SPPL3: variants seen among roughly 807,000 people sequenced by gnomAD.
SPPL3 encodes the protein signal peptide peptidase-like 3.
SPPL3 carries 5 observed loss-of-function variants against 42.4 expected under a neutral mutation model. The ratio of observed to expected loss-of-function variants is 0.12; its 90% CI spans 0.06 to 0.25. The LOEUF (loss-of-function observed/expected upper bound fraction) is 0.25. SPPL3 is among the 10% of genes least tolerant of loss of function. The pLI is 1.00. For synonymous variants in SPPL3, 195 were observed against 181.8 expected (o/e 1.07, Z -0.58); for missense variants, 235 against 489.0 (o/e 0.48, Z 4.90).
chr12:120,789,421 T>G (rs1361917312), intron 3 of SPPL3, among the ~76,000 whole-genome samples: 1 of 122,736 alleles, frequency 8.1e-6, no homozygotes, highest in African/African-American at 3.1e-5. Flanking sequence ...ACCTCTGCAC[T>G]CCAGCCTGGG....
intron 1 of SPPL3, among the ~76,000 whole-genome samples, chr12:120,848,138 C>A (rs555581920): frequency 1.3e-5 from 2 of 152,320 alleles, no homozygotes; most frequent in African/African-American, 4.8e-5. Context: ...AACTCAGCAG[C>A]CGAATCTATT....
chr12:120,850,393 G>C (rs890746627), intron 1 of SPPL3, among the ~76,000 whole-genome samples: 3 of 150,780 alleles, frequency 2.0e-5, no homozygotes, highest in African/African-American at 7.3e-5. Flanking sequence ...AAGTCTAAAA[G>C]GCCAAATGAA....
chr12:120,763,031 T>C lies in SPPL3; in HGVS notation c.*1968A>G, dbSNP rs950592806. 6.6e-6 allele frequency: 1 copy of C among 152,262 alleles called. No homozygotes were observed. Among genetic ancestry groups the C allele is most frequent in the African/African-American group, 2.4e-5 (1 of 41,414 alleles). The allele number at this position is 152,262 out of a possible 1,614,324, so 9.4% of individuals were successfully genotyped here. A position where few individuals can be genotyped will look rare whatever the true frequency, so the allele number is the denominator to read the frequency against. ...GAGTCCGCAAGTGGATTTTTAGTCT[T>C]CACCCAATGCAGAGGCAGTTTTGAG... On this transcript the variant is annotated 3_prime_UTR_variant, in exon 11 of 11. Transcript: ENST00000353487.
intron 1 of SPPL3, among the ~76,000 whole-genome samples, chr12:120,877,034 C>T (rs559494194): frequency 1.3e-5 from 2 of 151,926 alleles, no homozygotes; most frequent in South Asian, 4.2e-4. Context: ...AACATCACAA[C>T]AGACGTTACA....
At chr12:120,830,664 T>G (rs1025215307) in intron 1 of SPPL3, among the ~76,000 whole-genome samples, 1 of 146,942 alleles carries the variant, frequency 6.8e-6, no homozygotes, top group Non-Finnish European at 1.5e-5. Context: ...GTTCTAAGCT[T>G]CCAGTCTGGT....
At chr12:120,804,834 G>A (rs1022580311) in intron 2 of SPPL3, among the ~76,000 whole-genome samples, 2 of 152,014 alleles carry the variant, frequency 1.3e-5, no homozygotes, top group African/African-American at 4.8e-5. Flanking sequence ...AGCCAAAAAA[G>A]GGAAACAACC....
At chr12:120,898,300 T>TG (rs1873872041) in intron 1 of SPPL3, among the ~76,000 whole-genome samples, 3 of 97,616 alleles carry the variant, frequency 3.1e-5, no homozygotes, top group Admixed American at 1.2e-4. Context: ...GACTCTGTTT[T>TG]TTTTTTTTTT....
chr12:120,835,280 A>G (rs1871573155), intron 1 of SPPL3, among the ~76,000 whole-genome samples: 1 of 152,210 alleles, frequency 6.6e-6, no homozygotes, highest in South Asian at 2.1e-4. Context: ...AGAGTGAAAA[A>G]TTCATTTTAT....
intron 1 of SPPL3, among the ~76,000 whole-genome samples, chr12:120,898,138 CTCATGTCTACAAAAAA>C (rs994237823): frequency 1.3e-5 from 2 of 151,426 alleles, no homozygotes; most frequent in African/African-American, 4.9e-5. Flanking sequence ...ATGGCAAAAC[CTCATGTCTACAAAAAA>C]TTAGCTGGGC....
At chr12:120,897,640 G>A (rs1216236154) in intron 1 of SPPL3, among the ~76,000 whole-genome samples, 2 of 152,122 alleles carry the variant, frequency 1.3e-5, no homozygotes, top group South Asian at 2.1e-4. Context: ...GGAGAATGGC[G>A]TGAACCCGGA....
intron 1 of SPPL3, among the ~76,000 whole-genome samples, chr12:120,858,474 A>AAC (rs1491319155): frequency 6.6e-6 from 1 of 151,810 alleles, no homozygotes; most frequent in Non-Finnish European, 1.5e-5. Flanking sequence ...CAAAAAAAAA[A>AAC]ACAAAGAAAA....
At chr12:120,822,051 T>G (rs1871088811) in intron 1 of SPPL3, among the ~76,000 whole-genome samples, 1 of 152,124 alleles carries the variant, frequency 6.6e-6, no homozygotes, top group African/African-American at 2.4e-5. Flanking sequence ...TTAGGCAAAT[T>G]CATAGAAAAA....
intron 1 of SPPL3, among the ~76,000 whole-genome samples, chr12:120,890,588 CAAAAAAA>C (rs34253596): frequency 2.2e-5 from 2 of 91,458 alleles, no homozygotes; most frequent in Admixed American, 1.3e-4. Flanking sequence ...GACTCCGTCT[CAAAAAAA>C]AAAAAAAAAA....
chr12:120,831,599 T>C (rs978736561), intron 1 of SPPL3, among the ~76,000 whole-genome samples: 6 of 152,220 alleles, frequency 3.9e-5, no homozygotes, highest in Non-Finnish European at 4.4e-5. Flanking sequence ...GTATCTCTAA[T>C]ACAGCTTTCC....
At chr12:120,783,774 T>C (rs767076425) in intron 4 of SPPL3, 22 bp from the exon 5 acceptor site, 1 of 1,606,512 alleles carries the variant, frequency 6.2e-7, no homozygotes, top group South Asian at 1.1e-5. Flanking sequence ...AAAGGTATAA[T>C]TTTTTAAAAC....
intron 1 of SPPL3, among the ~76,000 whole-genome samples, chr12:120,863,664 C>T (rs1593001675): frequency 6.6e-6 from 1 of 151,980 alleles, no homozygotes; most frequent in South Asian, 2.1e-4. Context: ...TTTTTTAATT[C>T]TTTTTGAAAT....
chr12:120,896,039 TA>T lies in SPPL3; in HGVS notation c.23+7805del, dbSNP rs71453515. On this transcript the variant is annotated intron_variant, in intron 1 of 10. Coordinates refer to ENST00000353487, the MANE Select transcript of SPPL3 (RefSeq NM_139015.5). ...GGATACATCTCCACTTCAGAGCACT[TA>T]AAAAAAAAAATCCTTTGGTGGTTCT... is the stretch of plus-strand genomic sequence containing the variant. 1.8e-3 allele frequency among the ~76,000 whole-genome samples: 270 copies of T among 147,410 alleles called. 1 individual carries two copies. The highest frequency in any genetic ancestry group is 5.5e-3 in the African/African-American group (222 of 40,498).
At chr12:120,835,924 C>T (rs1871604768) in intron 1 of SPPL3, among the ~76,000 whole-genome samples, 1 of 152,190 alleles carries the variant, frequency 6.6e-6, no homozygotes, top group African/African-American at 2.4e-5. Context: ...TCCCTTGCAA[C>T]AGAACTGTTC....
At chr12:120,775,746 A>T (rs1869291645) in intron 6 of SPPL3, among the ~76,000 whole-genome samples, 1 of 152,234 alleles carries the variant, frequency 6.6e-6, no homozygotes. Flanking sequence ...GATGAAACTG[A>T]GAGTAGATAA....
Sources: allele counts gnomAD v4.1 joint callset (sites outside exome capture counted in the v4.1 genomes callset), GRCh38; gene constraint gnomAD v4.1.1; transcripts MANE v1.5; gene names NCBI Gene and HGNC (gene_info 2026-07-23, HGNC 2026-07-21).